The following CIMIP2A variants were observed in gnomAD, a reference collection of about 807,000 sequenced individuals.
CIMIP2A encodes family with sequence similarity 166 member A.
At chr9:137,244,420 TC>T in the CIMIP2A span, 161 of 1,547,420 alleles carry the variant, frequency 1.0e-4, no homozygotes, top group Middle Eastern at 1.8e-4. Flanking sequence ...GCCTTCTGCA[TC>T]CCCCTACCCC....
At chr9:137,244,110 A>G in the CIMIP2A span, 2 of 1,498,448 alleles carry the variant, frequency 1.3e-6, no homozygotes, top group Non-Finnish European at 1.9e-6. Context: ...GTGAGCAGGT[A>G]GAGCCGTCCC....
At chr9:137,247,699 T>A in the CIMIP2A span, 1 of 1,613,514 alleles carries the variant, frequency 6.2e-7, no homozygotes, top group South Asian at 1.1e-5. Context: ...GAGATCGTGT[T>A]TCTGAGTAGT....
the CIMIP2A span, among the ~76,000 whole-genome samples, chr9:137,254,539 G>A: frequency 3.5e-3 from 527 of 152,378 alleles, 1 homozygote; most frequent in African/African-American, 0.012. Context: ...GGTGGAGGAA[G>A]AAGCCTTCAA....
At chr9:137,254,688 G>A in the CIMIP2A span, among the ~76,000 whole-genome samples, 3 of 152,146 alleles carry the variant, frequency 2.0e-5, no homozygotes, top group Non-Finnish European at 2.9e-5. Flanking sequence ...TGGAGAGGCG[G>A]GGAGGCCCGG....
the CIMIP2A span, chr9:137,244,370 G>A: frequency 4.6e-5 from 74 of 1,598,380 alleles, no homozygotes; most frequent in Non-Finnish European, 5.8e-5. Flanking sequence ...GGGCCTGGCC[G>A]GAGGGCCGGC....
chr9:137,245,435 G>A, the CIMIP2A span: 1 of 1,613,880 alleles, frequency 6.2e-7, no homozygotes, highest in Non-Finnish European at 8.5e-7. Context: ...GGGGTGTCGG[G>A]CGTGAAGCCT....
At chr9:137,246,352 G>T in the CIMIP2A span, among the ~76,000 whole-genome samples, 3 of 152,362 alleles carry the variant, frequency 2.0e-5, no homozygotes, top group East Asian at 5.8e-4. Flanking sequence ...CAGGTGGAGG[G>T]CTGGGCTTTT....
the CIMIP2A span, among the ~76,000 whole-genome samples, chr9:137,249,152 G>A: frequency 2.6e-5 from 4 of 152,000 alleles, no homozygotes; most frequent in Non-Finnish European, 4.4e-5. Context: ...CACTGTGCCC[G>A]GCCAATATGA....
the CIMIP2A span, chr9:137,245,796 G>C: frequency 6.5e-7 from 1 of 1,534,418 alleles, no homozygotes; most frequent in Non-Finnish European, 8.8e-7. Flanking sequence ...GCTGCCCCGT[G>C]GTACGCCCAT....
the CIMIP2A span, chr9:137,252,915 C>A: frequency 6.3e-7 from 1 of 1,599,346 alleles, no homozygotes; most frequent in South Asian, 1.1e-5. Context: ...CCCCGCTCGC[C>A]GGCCTTCTCG....
the CIMIP2A span, chr9:137,245,218 G>T: frequency 6.3e-6 from 10 of 1,581,022 alleles, no homozygotes; most frequent in African/African-American, 1.4e-4. Context: ...CAGTGGTACA[G>T]CTGGAGCGGG....
chr9:137,252,112 T>A, the CIMIP2A span: 6 of 1,611,652 alleles, frequency 3.7e-6, no homozygotes, highest in East Asian at 1.3e-4. Flanking sequence ...CACTACAGCA[T>A]CGGCTGCAAG....
the CIMIP2A span, chr9:137,251,033 G>C: frequency 2.0e-6 from 1 of 500,888 alleles, no homozygotes; most frequent in Admixed American, 3.3e-5. Context: ...GCAGGAGAGG[G>C]GAGAAGGCTG....
At chr9:137,251,032 GGGA>G in the CIMIP2A span, 1 of 498,724 alleles carries the variant, frequency 2.0e-6, no homozygotes. Context: ...TGCAGGAGAG[GGGA>G]GAAGGCTGGA....
At chr9:137,244,034 T>C in the CIMIP2A span, 86 of 997,416 alleles carry the variant, frequency 8.6e-5, no homozygotes, top group East Asian at 2.0e-3. Flanking sequence ...TGGCAGACAA[T>C]CCTACCCCAA....
chr9:137,244,789 G>A, the CIMIP2A span: 29 of 1,595,428 alleles, frequency 1.8e-5, no homozygotes, highest in East Asian at 6.1e-4. Context: ...CCTTCCCCTG[G>A]GCACACCCAC....
At chr9:137,254,796 T>C in the CIMIP2A span, among the ~76,000 whole-genome samples, 11 of 151,928 alleles carry the variant, frequency 7.2e-5, no homozygotes, top group African/African-American at 2.7e-4. Context: ...TCCCGGTGCC[T>C]GGGAGGGCGG....
chr9:137,252,846 G>A, the CIMIP2A span: 6 of 1,575,440 alleles, frequency 3.8e-6, no homozygotes, highest in South Asian at 2.3e-5. Flanking sequence ...CAGGCACCTG[G>A]CAAGAGATGC....
chr9:137,244,792 A>G, the CIMIP2A span: 1 of 1,593,146 alleles, frequency 6.3e-7, no homozygotes, highest in Middle Eastern at 1.7e-4. Context: ...TCCCCTGGGC[A>G]CACCCACCTG....
Sources: allele counts gnomAD v4.1 joint callset (sites outside exome capture counted in the v4.1 genomes callset), GRCh38; gene constraint gnomAD v4.1.1; transcripts MANE v1.5; gene names NCBI Gene and HGNC (gene_info 2026-07-23, HGNC 2026-07-21).